UBC: variants seen among roughly 807,000 people sequenced by gnomAD.
UBC encodes ubiquitin C.
Under a neutral mutation model 34.7 loss-of-function variants are expected in UBC, and 8 were observed. That is an observed-to-expected ratio of 0.23 (90% CI 0.14 to 0.42). UBC has a LOEUF of 0.42. Ranked by LOEUF, UBC falls within the 10% of genes least tolerant of loss-of-function variation. The pLI is 1.00. For missense variants in UBC, 323 were observed against 750.3 expected (o/e 0.43, Z 6.65); for synonymous variants, 367 against 299.8 (o/e 1.22, Z -2.32).
In UBC at chr12:124,912,719, T is replaced by C. The variant is rs763549352; in HGVS notation, c.1053A>G (p.Gly351=). The change falls in exon 2 of 2, where the codon GGA becomes GGG. Residue 351 remains glycine (G), a synonymous_variant. Transcript: ENST00000339647. ...PPDQQRLIFA[G]KQLEDGRTLS... is the part of the protein sequence containing the mutation. ...GGGTACGACCATCTTCCAGCTGTTTTCCGGCAAAGATCAACCTCTGCTGGT... is the reference window on the plus strand; with the variant it reads ...GGGTACGACCATCTTCCAGCTGTTTCCCGGCAAAGATCAACCTCTGCTGGT... The C allele has an allele frequency of 5.0e-6, 8 of 1,606,172 alleles. No homozygotes were observed. The highest frequency in any genetic ancestry group is 2.2e-5 in the East Asian group (1 of 44,578).
rs756997283 is a variant in UBC at position 124,912,847 on chromosome 12, C to T, written c.925G>A (p.Val309Met). ...ATGGTCTTACCAGTCAGGGTCTTCA[C>T]GAAGATCTGCATCCCACCTCTGAGA... ...LRLRGGMQIF[V>M]KTLTGKTITL... The change falls in exon 2 of 2, where the codon GTG becomes ATG. Residue 309 changes from valine to methionine, a missense_variant. Coordinates refer to ENST00000339647, the MANE Select transcript of UBC (RefSeq NM_021009.7). The T allele has an allele frequency of 1.2e-6, 2 of 1,609,050 alleles. No homozygotes were observed. The highest frequency in any genetic ancestry group is 1.7e-6 in the Non-Finnish European group (2 of 1,177,960).
intron 1 of UBC, chr12:124,913,984 C>G: frequency 1.4e-6 from 1 of 715,314 alleles, no homozygotes; most frequent in South Asian, 2.0e-5. Flanking sequence ...AAACTGACGC[C>G]TCACTTATCC....
intron 1 of UBC, 152 bp from the exon 2 acceptor site, chr12:124,913,926 C>T: frequency 8.1e-7 from 1 of 1,235,204 alleles, no homozygotes; most frequent in Non-Finnish European, 1.1e-6. Context: ...TAGTTCAAAA[C>T]CGGAGCTTCA....
Position 124,911,907 on chromosome 12 carries a change from G to A in UBC, c.1865C>T (p.Thr622Ile), listed in dbSNP as rs371279338. The A allele has an allele frequency of 1.9e-6, 3 of 1,609,922 alleles. No homozygotes were observed. Among genetic ancestry groups the A allele is most frequent in the East Asian group, 2.2e-5 (1 of 44,762 alleles). ...FVKTLTGKTI[T>I]LEVEPSDTIE... Reference sequence around the variant, plus strand: ...GGTGTCACTGGGCTCCACCTCGAGGGTGATGGTCTTACCAGTCAGGGTCTT... The same window carrying A: ...GGTGTCACTGGGCTCCACCTCGAGGATGATGGTCTTACCAGTCAGGGTCTT... Residue 622 changes from threonine (T) to isoleucine (I), a missense_variant, in exon 2 of 2, where the codon ACC becomes ATC. Around this residue, in one of 5 missense-constraint regions of UBC, gnomAD observed 49 missense variants for 112.6 expected, o/e 0.44. Transcript: ENST00000339647.
At chr12:124,913,869 A>C (rs1361216227) in intron 1 of UBC, 95 bp from the exon 2 acceptor site, 5 of 1,550,280 alleles carry the variant, frequency 3.2e-6, no homozygotes, top group Non-Finnish European at 4.3e-6. Flanking sequence ...ACATTTCAAA[A>C]GGTGCCTAAA....
Position 124,913,954 on chromosome 12 carries a change from G to A in UBC, c.-3-180C>T, listed in dbSNP as rs75750260. Reference sequence around the variant, plus strand: ...GAGCTTCAGCTACTTAAGAAGATAGGTACATAAAACCGACCAGAGAAACTG... The same window carrying A: ...GAGCTTCAGCTACTTAAGAAGATAGATACATAAAACCGACCAGAGAAACTG... On this transcript the variant is annotated intron_variant, in intron 1 of 1. Transcript: ENST00000339647. 0.035 allele frequency: 34,237 copies of A among 982,930 alleles called. 4,677 individuals carry two copies. The East Asian group carries it at 0.4, about 11-fold the overall frequency. The allele number at this position is 982,930 out of a possible 1,614,324, so 60.9% of individuals were successfully genotyped here.
rs765711963 is a variant in UBC at position 124,913,450 on chromosome 12, C to T, written c.322G>A (p.Asp108Asn). 1.2e-6 allele frequency: 2 copies of T among 1,611,830 alleles called. No individual in the cohort carries two copies. The highest frequency in any genetic ancestry group is 3.4e-5 in the Admixed American group (2 of 59,672). Reference protein sequence around the residue: ...TIENVKAKIQDKEGIPPDQQR... With the variant: ...TIENVKAKIQNKEGIPPDQQR... ...TGGTCAGGAGGAATGCCTTCCTTGT[C>T]CTGGATCTTTGCTTTGACGTTCTCG... Residue 108 changes from aspartate (D) to asparagine (N), a missense_variant, in exon 2 of 2, where the codon GAC (aspartate) becomes AAC (asparagine). Around this residue, in one of 5 missense-constraint regions of UBC, gnomAD observed 202 missense variants for 361.9 expected, o/e 0.56. Coordinates refer to ENST00000339647, the MANE Select transcript of UBC (RefSeq NM_021009.7).
intron 1 of UBC, 180 bp from the exon 2 acceptor site, chr12:124,913,954 G>T: frequency 3.1e-6 from 3 of 983,020 alleles, no homozygotes; most frequent in Non-Finnish European, 4.4e-6. Context: ...AAGAAGATAG[G>T]TACATAAAAC....
At position 124,913,677 on chromosome 12, in the gene UBC, T is replaced by C; in HGVS notation, c.95A>G (p.Asp32Gly). 1.2e-6 allele frequency: 2 copies of C among 1,613,818 alleles called. No individual in the cohort carries two copies. The highest frequency in any genetic ancestry group is 1.7e-6 in the Non-Finnish European group (2 of 1,179,916). Residue 32 changes from aspartate to glycine, a missense_variant, in exon 2 of 2, where the codon GAT becomes GGT. By Grantham distance (94) the Asp-to-Gly change is moderately conservative. This residue lies in a region of UBC where 202 missense variants were observed against 361.9 expected (regional missense o/e 0.56). Coordinates refer to ENST00000339647, the MANE Select transcript of UBC (RefSeq NM_021009.7). ...CTGGTCAGGAGGGATGCCTTCCTTA[T>C]CTTGGATCTTTGCCTTGACATTCTC... ...TIENVKAKIQ[D>G]KEGIPPDQQR...
At chr12:124,913,870 G>T (rs538442214) in intron 1 of UBC, 96 bp from the exon 2 acceptor site, 2 of 1,549,562 alleles carry the variant, frequency 1.3e-6, no homozygotes, top group African/African-American at 2.8e-5. Flanking sequence ...CATTTCAAAA[G>T]GTGCCTAAAA....
At chr12:124,914,162 C>T (rs541414086) in intron 1 of UBC, 4 of 248,234 alleles carry the variant, frequency 1.6e-5, no homozygotes, top group African/African-American at 4.5e-5. Context: ...CGAGGGCGCG[C>T]GCTCCCAAAG....
chr12:124,913,976 A>C, intron 1 of UBC: 1 of 752,464 alleles, frequency 1.3e-6, no homozygotes, highest in Non-Finnish European at 2.1e-6. Context: ...GACCAGAGAA[A>C]CTGACGCCTC....
In UBC at chr12:124,913,703, G is replaced by T. The variant is rs6658; in HGVS notation, c.69C>A (p.Ile23=). 2 of 1,613,954 alleles carry T rather than the reference G, an allele frequency of 1.2e-6. No homozygotes were observed. The highest frequency in any genetic ancestry group is 1.7e-6 in the Non-Finnish European group (2 of 1,179,960). The change falls in exon 2 of 2, where the codon ATC becomes ATA. Residue 23 remains isoleucine, a synonymous_variant. Coordinates refer to ENST00000339647, the MANE Select transcript of UBC (RefSeq NM_021009.7). ...CTTGGATCTTTGCCTTGACATTCTC[G>T]ATGGTGTCACTGGGCTCAACCTCGA... is the stretch of plus-strand genomic sequence containing the variant. ...ITLEVEPSDT[I]ENVKAKIQDK... is the part of the protein sequence containing the mutation.
At chr12:124,914,003 AC>A in intron 1 of UBC, 3 of 637,974 alleles carry the variant, frequency 4.7e-6, no homozygotes, top group Non-Finnish European at 5.1e-6. Flanking sequence ...CCCTCCCCTC[AC>A]CAGAGGTCCG....
Position 124,913,556 on chromosome 12 carries a change from A to G in UBC, c.216T>C (p.Arg72=). 1 of 1,610,378 alleles carries G rather than the reference A, an allele frequency of 6.2e-7. No individual in the cohort carries two copies. The highest frequency in any genetic ancestry group is 1.4e-5 in the African/African-American group (1 of 74,064). The change falls in exon 2 of 2, where the codon CGT becomes CGC. Residue 72 remains arginine (R), a synonymous_variant. Transcript: ENST00000339647. ...CGAAGATTTGCATCCCACCTCTGAG[A>G]CGGAGCACCAGGTGCAGGGTGGACT... ...QKESTLHLVL[R]LRGGMQIFVK...
chr12:124,913,226 G>T lies in UBC; in HGVS notation c.546C>A (p.Ile182=). 6.2e-7 allele frequency: 1 copy of T among 1,611,490 alleles called. No homozygotes were observed. The highest frequency in any genetic ancestry group is 8.5e-7 in the Non-Finnish European group (1 of 1,178,662). The change falls in exon 2 of 2, where the codon ATC becomes ATA. Residue 182 remains isoleucine (I), a synonymous_variant. Coordinates refer to ENST00000339647, the MANE Select transcript of UBC (RefSeq NM_021009.7). ...CAGGAGGAATGCCTTCCTTATCTTG[G>T]ATCTTTGCCTTGACATTCTCGATGG... ...SDTIENVKAK[I]QDKEGIPPDQ... is the part of the protein sequence containing the mutation.
chr12:124,913,665 A>T lies in UBC; in HGVS notation c.107T>A (p.Ile36Asn), dbSNP rs1953559239. 1 of 1,613,108 alleles carries T rather than the reference A, an allele frequency of 6.2e-7. No homozygotes were observed. Among genetic ancestry groups the T allele is most frequent in the African/African-American group, 1.3e-5 (1 of 74,586 alleles). ...GATCAGCCTCTGCTGGTCAGGAGGGATGCCTTCCTTATCTTGGATCTTTGC... is the reference window on the plus strand; with the variant it reads ...GATCAGCCTCTGCTGGTCAGGAGGGTTGCCTTCCTTATCTTGGATCTTTGC... ...VKAKIQDKEGIPPDQQRLIFA... is the reference protein window; with the variant it reads ...VKAKIQDKEGNPPDQQRLIFA... The change falls in exon 2 of 2, where the codon ATC (isoleucine) becomes AAC (asparagine). Residue 36 changes from isoleucine to asparagine, a missense_variant. By Grantham distance (149) the Ile-to-Asn change is moderately radical. Around this residue, in one of 5 missense-constraint regions of UBC, gnomAD observed 202 missense variants for 361.9 expected, o/e 0.56. Coordinates refer to ENST00000339647, the MANE Select transcript of UBC (RefSeq NM_021009.7).
Position 124,913,931 on chromosome 12 carries a change from G to A in UBC, c.-3-157C>T, listed in dbSNP as rs1953567508. 5 of 1,156,378 alleles carry A rather than the reference G, an allele frequency of 4.3e-6. No homozygotes were observed. In the South Asian group the frequency reaches 4.8e-5, roughly 11 times the overall value. 71.6% of individuals were successfully genotyped at this position (1,156,378 alleles called of 1,614,324 possible). On this transcript the variant is annotated intron_variant, in intron 1 of 1. Coordinates refer to ENST00000339647, the MANE Select transcript of UBC (RefSeq NM_021009.7). ...CCCGAGCGCATAGTTCAAAACCGGA[G>A]CTTCAGCTACTTAAGAAGATAGGTA...
chr12:124,912,533 C>T lies in UBC; in HGVS notation c.1239G>A (p.Lys413=). Residue 413 remains lysine (K), a synonymous_variant, in exon 2 of 2, where the codon AAG becomes AAA. Coordinates refer to ENST00000339647, the MANE Select transcript of UBC (RefSeq NM_021009.7). ...TCTGCTGGTCAGGAGGGATGCCTTC[C>T]TTGTCTTGGATCTTTGCCTTGACAT... is the stretch of plus-strand genomic sequence containing the variant. ...IENVKAKIQD[K]EGIPPDQQRL... 6.5e-7 allele frequency: 1 copy of T among 1,531,978 alleles called. No homozygotes were observed. The allele number at this position is 1,531,978 out of a possible 1,614,324, so 94.9% of individuals were successfully genotyped here. A position where few individuals can be genotyped will look rare whatever the true frequency, so the allele number is the denominator to read the frequency against.
Sources: allele counts gnomAD v4.1 joint callset, GRCh38; gene constraint gnomAD v4.1.1; regional missense constraint gnomAD v4.1.1; transcripts MANE v1.5; gene names NCBI Gene and HGNC (gene_info 2026-07-23, HGNC 2026-07-21).